Variants in SLC3A2 observed in about 807,000 individuals in gnomAD.
SLC3A2 encodes solute carrier family 3 member 2.
In SLC3A2, 32 loss-of-function variants were observed where a neutral mutation model predicts 48.5. That is an observed-to-expected ratio of 0.66 (90% CI 0.50 to 0.89). The LOEUF (loss-of-function observed/expected upper bound fraction) is 0.89, where lower values mean the gene tolerates loss of function less well. Ranked by LOEUF, SLC3A2 falls within the 40% of genes least tolerant of loss-of-function variation. The pLI is 0.00. For synonymous variants in SLC3A2, 277 were observed against 288.8 expected, an observed-to-expected ratio of 0.96 and a Z score of 0.41; for missense variants, 587 against 680.7, an observed-to-expected ratio of 0.86 and a Z score of 1.53.
Position 62,881,780 on chromosome 11 carries a change from C to G in SLC3A2, c.425-113C>G. 8.1e-7 allele frequency: 1 copy of G among 1,231,368 alleles called. No homozygotes were observed. Among genetic ancestry groups the G allele is most frequent in the Non-Finnish European group, 1.1e-6 (1 of 875,910 alleles). The allele number at this position is 1,231,368 out of a possible 1,614,324, so 76.3% of individuals were successfully genotyped here. A position where few individuals can be genotyped will look rare whatever the true frequency, so the allele number is the denominator to read the frequency against. On this transcript the variant is annotated intron_variant, in intron 1 of 8. Coordinates refer to ENST00000338663, the MANE Select transcript of SLC3A2 (RefSeq NM_001013251.3). The surrounding 1 kb of genome is among the most constrained non-coding windows in gnomAD (Gnocchi z 4.0). ...TCTCGTGATTCAGCCTTGCCTCCCT[C>G]TCTCCCCCTTTGCCCCCTCCCCGTC...
chr11:62,856,827 CTTTTTT>C (rs11337244), intron 1 of SLC3A2, among the ~76,000 whole-genome samples: 1 of 126,040 alleles, frequency 7.9e-6, no homozygotes, highest in Non-Finnish European at 1.7e-5. Flanking sequence ...TTTTTTCTTT[CTTTTTT>C]TTTTTTTTTG....
At chr11:62,886,399 TTTTGTTTG>T (rs199802978) in intron 7 of SLC3A2, 1 of 151,616 alleles carries the variant, frequency 6.6e-6, no homozygotes. Flanking sequence ...GACTTTTTTT[TTTTGTTTG>T]TTTGTTTGTT....
intron 3 of SLC3A2, 53 bp from the exon 4 acceptor site, chr11:62,884,404 T>G: frequency 6.2e-7 from 1 of 1,603,058 alleles, no homozygotes; most frequent in Admixed American, 1.7e-5. Flanking sequence ...TGGAATTTTC[T>G]GAGCCTTTTC....
At chr11:62,885,817 G>A (rs1023930988) in intron 7 of SLC3A2, among the ~76,000 whole-genome samples, 3 of 152,188 alleles carry the variant, frequency 2.0e-5, no homozygotes, top group African/African-American at 7.2e-5. Context: ...TTGAAGGGTG[G>A]TTAGTATTAA....
At chr11:62,884,361 G>A in intron 3 of SLC3A2, 96 bp from the exon 4 acceptor site, 2 of 1,341,026 alleles carry the variant, frequency 1.5e-6, no homozygotes, top group Non-Finnish European at 2.1e-6. Context: ...CAGCTCCCGG[G>A]GAAGTGTGTG....
At chr11:62,883,668 C>T (rs2085670774) in intron 3 of SLC3A2, 3 of 229,574 alleles carry the variant, frequency 1.3e-5, no homozygotes, top group South Asian at 5.6e-5. Flanking sequence ...GGTAGGACCC[C>T]GGGATCATCC....
At chr11:62,880,093 A>G (rs1348368386), upstream of SLC3A2, among the ~76,000 whole-genome samples, 4 of 152,096 alleles carry the variant, frequency 2.6e-5, no homozygotes, top group African/African-American at 9.7e-5. Flanking sequence ...TTACAGCCCT[A>G]TCAGTCTCTT....
At chr11:62,857,305 C>T (rs1369585838) in intron 1 of SLC3A2, among the ~76,000 whole-genome samples, 1 of 151,802 alleles carries the variant, frequency 6.6e-6, no homozygotes, top group Non-Finnish European at 1.5e-5. Context: ...TTGTGTTTTT[C>T]GGAGAGACGG....
chr11:62,882,114 A>T, intron 2 of SLC3A2, 48 bp downstream of exon 2: 1 of 1,606,514 alleles, frequency 6.2e-7, no homozygotes, highest in African/African-American at 1.3e-5. Flanking sequence ...GGACTTGGCC[A>T]GAGGAAAAGT....
In SLC3A2 at chr11:62,872,278, C is replaced by T. The variant is rs1590625748; in HGVS notation, c.113-8741C>T. On this transcript the variant is annotated intron_variant, in intron 1 of 9. Transcript: ENST00000377889. ...GTGGCTCACGCCTCTAATGCTAGCA[C>T]TTTGGGAGGCAGATCACTTGAACCC... Among the ~76,000 whole-genome samples the T allele has an allele frequency of 1.3e-5, 2 of 152,278 alleles. 1 individual carries two copies. The highest frequency in any genetic ancestry group is 3.9e-4 in the East Asian group (2 of 5,164).
At chr11:62,880,314 TTCTTGAAATGAATTCAAGATGAG>T (rs2085615681), upstream of SLC3A2, 1 of 152,258 alleles carries the variant, frequency 6.6e-6, no homozygotes, top group South Asian at 2.1e-4. Context: ...CATGAGGAAT[TTCTTGAAATGAATTCAAGATGAG>T]TCTTGAAAAA....
chr11:62,876,422 G>A (rs1480971610), upstream of SLC3A2, among the ~76,000 whole-genome samples: 2 of 152,020 alleles, frequency 1.3e-5, no homozygotes, highest in African/African-American at 4.8e-5. Context: ...TCTCTTGAAG[G>A]CTAAATTCTT....
rs1239566608 is a variant in SLC3A2, at chr11:62,888,675, C to T, written c.1572C>T (p.Arg524=). 1 of 1,597,574 alleles carries T rather than the reference C, an allele frequency of 6.3e-7. No homozygotes were observed. The highest frequency in any genetic ancestry group is 2.2e-5 in the East Asian group (1 of 44,766). Residue 524 remains arginine, a synonymous_variant, in exon 9 of 9, where the codon CGC becomes CGT. Coordinates refer to ENST00000338663, the MANE Select transcript of SLC3A2 (RefSeq NM_001013251.3). The part of the protein sequence containing the change: ...KLEPHEGLLL[R]FPYAA ...AGCCTCACGAAGGGCTGCTGCTCCG[C>T]TTCCCCTACGCGGCCTGACTTCAGC...
upstream of SLC3A2, chr11:62,880,382 C>G (rs1328965947): frequency 6.6e-6 from 1 of 152,324 alleles, no homozygotes. Flanking sequence ...AAGCAGAGGT[C>G]TAGCAGAGGT....
At position 62,856,531 on chromosome 11, in the gene SLC3A2, T is replaced by C. The variant is rs111973482; in HGVS notation, c.112+150T>C. The stretch of plus-strand genomic sequence containing the variant: ...GTCCTGCCTTCTGGTGCGTTTTCTT[T>C]AGATCTTGGACTACTACGGGCCAAC... On this transcript the variant is annotated intron_variant, in intron 1 of 9. Coordinates refer to the SLC3A2 transcript ENST00000377889. 2.2e-3 allele frequency: 1,430 copies of C among 648,834 alleles called. 2 individuals are homozygous for C. Among genetic ancestry groups the C allele is most frequent in the Middle Eastern group, 5.6e-3 (22 of 3,904 alleles). The allele number at this position is 648,834 out of a possible 1,614,324, so 40.2% of individuals were successfully genotyped here. A position where few individuals can be genotyped will look rare whatever the true frequency, so the allele number is the denominator to read the frequency against.
chr11:62,876,761 C>T, upstream of SLC3A2: 1 of 289,300 alleles, frequency 3.5e-6, no homozygotes, highest in Non-Finnish European at 6.6e-6. Context: ...ACCACCATAC[C>T]TGGCTAATTT....
chr11:62,860,418 T>A (rs575304791), intron 1 of SLC3A2, among the ~76,000 whole-genome samples: 1 of 147,830 alleles, frequency 6.8e-6, no homozygotes, highest in Non-Finnish European at 1.5e-5. Context: ...GGCAGGAGAA[T>A]GGTGTGAAAC....
At chr11:62,883,270 T>A (rs1268254152) in intron 3 of SLC3A2, 11 of 411,996 alleles carry the variant, frequency 2.7e-5, no homozygotes, top group South Asian at 9.5e-5. Flanking sequence ...AGTCTGGAAG[T>A]TTGATTTTTC....
At chr11:62,888,055 C>A in intron 7 of SLC3A2, 80 bp from the exon 8 acceptor site, 2 of 1,323,148 alleles carry the variant, frequency 1.5e-6, no homozygotes, top group Non-Finnish European at 1.1e-6. Context: ...CCTTGACCTC[C>A]CAGACTGCTG....
Sources: gnomAD v4.1 joint callset for allele counts (sites outside exome capture counted in the v4.1 genomes callset) on GRCh38, gnomAD v4.1.1 for gene constraint, Gnocchi (gnomAD v3.1) non-coding constraint, MANE v1.5 for transcripts, NCBI Gene and HGNC (gene_info 2026-07-23, HGNC 2026-07-21) for gene names.